Variants in ARHGEF12 observed in about 807,000 individuals in gnomAD.
ARHGEF12 encodes the protein KMT2A/ARHGEF12 fusion protein.
ARHGEF12 carries 66 observed loss-of-function variants against 211.2 expected under a neutral mutation model. The ratio of observed to expected loss-of-function variants is 0.31; its 90% CI spans 0.26 to 0.38. ARHGEF12 has a LOEUF of 0.38. Ranked by LOEUF, ARHGEF12 falls within the 10% of genes least tolerant of loss-of-function variation. The pLI is 1.00. For missense variants in ARHGEF12, 1,429 were observed against 1,869.5 expected (o/e 0.76, Z 4.34); for synonymous variants, 592 against 638.4 (o/e 0.93, Z 1.09).
intron 30 of ARHGEF12, among the ~76,000 whole-genome samples, chr11:120,472,705 A>G (rs1329341476): frequency 1.3e-5 from 2 of 151,682 alleles, no homozygotes; most frequent in African/African-American, 4.9e-5. Context: ...CCCAGGCTGG[A>G]GTGCAGTGGC....
chr11:120,384,952 C>G (rs755144408), intron 1 of ARHGEF12, among the ~76,000 whole-genome samples: 23 of 149,988 alleles, frequency 1.5e-4, no homozygotes, highest in Non-Finnish European at 3.1e-4. Context: ...GTAACAACAA[C>G]CGAATTTTAA....
intron 10 of ARHGEF12, among the ~76,000 whole-genome samples, chr11:120,430,973 C>T (rs957843241): frequency 6.6e-6 from 1 of 151,972 alleles, no homozygotes; most frequent in African/African-American, 2.4e-5. Flanking sequence ...AATATTCTTA[C>T]CCTGTTTGGA....
intron 1 of ARHGEF12, among the ~76,000 whole-genome samples, chr11:120,367,722 A>G (rs1301959825): frequency 6.6e-6 from 1 of 152,126 alleles, no homozygotes; most frequent in East Asian, 1.9e-4. Flanking sequence ...TGTAATCCCA[A>G]CACTTTGGGA....
At chr11:120,445,943 AGTACT>A (rs1196709336) in intron 16 of ARHGEF12, among the ~76,000 whole-genome samples, 1 of 151,570 alleles carries the variant, frequency 6.6e-6, no homozygotes, top group African/African-American at 2.4e-5. Flanking sequence ...TCACGCCTGT[AGTACT>A]CCCAGCACTT....
intron 4 of ARHGEF12, among the ~76,000 whole-genome samples, chr11:120,415,579 T>C (rs565150234): frequency 6.6e-6 from 1 of 152,318 alleles, no homozygotes; most frequent in East Asian, 1.9e-4. Flanking sequence ...CTGTGGTAGG[T>C]TAAAACAGCT....
intron 1 of ARHGEF12, among the ~76,000 whole-genome samples, chr11:120,347,762 G>C (rs1942812195): frequency 6.6e-6 from 1 of 152,076 alleles, no homozygotes; most frequent in Non-Finnish European, 1.5e-5. Context: ...GGGAATATGA[G>C]ACATTCTGTT....
intron 1 of ARHGEF12, among the ~76,000 whole-genome samples, chr11:120,341,668 A>G (rs139034795): frequency 0.011 from 1,626 of 152,334 alleles, 17 homozygotes; most frequent in South Asian, 0.024. Flanking sequence ...GTTGTCTGAC[A>G]TTATTAGAAA....
intron 1 of ARHGEF12, among the ~76,000 whole-genome samples, chr11:120,390,752 T>A (rs1441500199): frequency 6.6e-6 from 1 of 152,126 alleles, no homozygotes. Context: ...TCTTGTAAGG[T>A]GGTAGTCCAG....
chr11:120,480,300 G>A lies in ARHGEF12; in HGVS notation c.4107G>A (p.Glu1369=). 6.2e-7 allele frequency: 1 copy of A among 1,614,160 alleles called. No individual in the cohort carries two copies. Among genetic ancestry groups the A allele is most frequent in the Non-Finnish European group, 8.5e-7 (1 of 1,180,014 alleles). The change falls in exon 38 of 41, where the codon GAG becomes GAA. Residue 1369 remains glutamate (E), a synonymous_variant. Coordinates refer to ENST00000397843, the MANE Select transcript of ARHGEF12 (RefSeq NM_015313.3). Reference sequence around the variant, plus strand: ...TGACCCCAGAGATGCCTACCATGGAGCCAGAAGGGGGTCTTGATGACAGTG... The same window carrying A: ...TGACCCCAGAGATGCCTACCATGGAACCAGAAGGGGGTCTTGATGACAGTG... The part of the protein sequence containing the change: ...MIMTPEMPTM[E]PEGGLDDSGE...
At chr11:120,431,650 G>C (rs1945537707) in intron 10 of ARHGEF12, 121 bp from the exon 11 acceptor site, 42 of 1,086,088 alleles carry the variant, frequency 3.9e-5, no homozygotes, top group Non-Finnish European at 5.0e-5. Flanking sequence ...GAGCATATCA[G>C]AATGTCCAAC....
chr11:120,414,908 A>G (rs895281344), intron 4 of ARHGEF12, among the ~76,000 whole-genome samples: 2 of 152,140 alleles, frequency 1.3e-5, no homozygotes, highest in African/African-American at 4.8e-5. Flanking sequence ...ATTACGTTTG[A>G]AGGAAGTTTA....
chr11:120,431,632 A>G (rs569507004), intron 10 of ARHGEF12, 139 bp from the exon 11 acceptor site: 159 of 822,634 alleles, frequency 1.9e-4, no homozygotes, highest in African/African-American at 1.3e-3. Flanking sequence ...AGAATTTTAA[A>G]CATACTTGAG....
At chr11:120,352,876 C>T (rs1215422800) in intron 1 of ARHGEF12, among the ~76,000 whole-genome samples, 2 of 152,210 alleles carry the variant, frequency 1.3e-5, no homozygotes, top group Non-Finnish European at 2.9e-5. Flanking sequence ...CAACATAGCC[C>T]ACACACATCT....
chr11:120,364,173 A>G (rs749031081), intron 1 of ARHGEF12, among the ~76,000 whole-genome samples: 12 of 152,158 alleles, frequency 7.9e-5, no homozygotes, highest in Admixed American at 1.3e-4. Context: ...TTTGAAATCT[A>G]AATAAGGGTT....
intron 1 of ARHGEF12, among the ~76,000 whole-genome samples, chr11:120,384,175 TTAGTAAC>T (rs1304754108): frequency 6.6e-6 from 1 of 152,178 alleles, no homozygotes. Flanking sequence ...AACTACTTCT[TTAGTAAC>T]TACTTACAAG....
intron 1 of ARHGEF12, among the ~76,000 whole-genome samples, chr11:120,384,390 C>T (rs1943967574): frequency 6.6e-6 from 1 of 152,084 alleles, no homozygotes; most frequent in Admixed American, 6.5e-5. Flanking sequence ...TGTAAAACAA[C>T]ATGTTTTTCA....
At chr11:120,340,777 C>G (rs1942511606) in intron 1 of ARHGEF12, among the ~76,000 whole-genome samples, 5 of 152,146 alleles carry the variant, frequency 3.3e-5, no homozygotes, top group Admixed American at 3.3e-4. Context: ...TCAGTTTTAT[C>G]TTTGCCTTTT....
chr11:120,349,420 G>T lies in ARHGEF12; in HGVS notation c.32+12145G>T, dbSNP rs12272851. ...ATAAAAAGTAGCTTTTAAAGGAAAA[G>T]ATATCTCAGCCCTTAATTATGTGTG... On this transcript the variant is annotated intron_variant, in intron 1 of 40. Transcript: ENST00000397843. Among the ~76,000 whole-genome samples, 920 of 152,130 alleles carry T rather than the reference G, an allele frequency of 6.0e-3. 8 individuals carry two copies. Among genetic ancestry groups the T allele is most frequent in the African/African-American group, 0.022 (896 of 41,488 alleles).
chr11:120,436,290 G>C (rs1483964649), intron 11 of ARHGEF12, among the ~76,000 whole-genome samples: 2 of 152,136 alleles, frequency 1.3e-5, no homozygotes, highest in African/African-American at 4.8e-5. Flanking sequence ...AGACCTGAAA[G>C]TCATTCATTT....
Sources: gnomAD v4.1 joint callset for allele counts (sites outside exome capture counted in the v4.1 genomes callset) on GRCh38, gnomAD v4.1.1 for gene constraint, MANE v1.5 for transcripts, NCBI Gene and HGNC (gene_info 2026-07-23, HGNC 2026-07-21) for gene names.